The following HORMAD2 variants were observed in gnomAD, a reference collection of about 807,000 sequenced individuals.
The protein encoded by HORMAD2 is HORMA domain containing 2, also known as HORMA domain-containing protein 2.
In HORMAD2, 45 loss-of-function variants were observed where a neutral mutation model predicts 38.8. The ratio of observed to expected loss-of-function variants is 1.16; its 90% confidence interval spans 0.91 to 1.49. The LOEUF is 1.49. Ranked by LOEUF, HORMAD2 falls within the 40% of genes most tolerant of loss-of-function variation. The probability of loss-of-function intolerance (pLI) is 0.00; values close to 1 mark genes in which losing one functional copy is unlikely to be tolerated. For synonymous variants in HORMAD2, 126 were observed against 122.8 expected (o/e 1.03, Z -0.17); for missense variants, 338 against 367.0 (o/e 0.92, Z 0.65).
intron 5 of HORMAD2, among the ~76,000 whole-genome samples, chr22:30,110,036 A>C (rs553002296): frequency 1.3e-5 from 2 of 152,316 alleles, no homozygotes; most frequent in African/African-American, 4.8e-5. Flanking sequence ...CACAGATTCA[A>C]CCAACTGGAA....
At chr22:30,124,654 G>A (rs1483019036) in intron 10 of HORMAD2, among the ~76,000 whole-genome samples, 4 of 152,108 alleles carry the variant, frequency 2.6e-5, no homozygotes, top group Non-Finnish European at 4.4e-5. Context: ...CTTCAAAGTT[G>A]AGATTTAGCC....
At position 30,125,216 on chromosome 22, in the gene HORMAD2, C is replaced by CTTTTTTTTTTTTTTTTTT; in HGVS notation, c.819+3011_819+3028dup. Among the ~76,000 whole-genome samples, 203 of 43,474 alleles carry CTTTTTTTTTTTTTTTTTT rather than the reference C, an allele frequency of 4.7e-3. 32 individuals carry two copies. Among genetic ancestry groups the CTTTTTTTTTTTTTTTTTT allele is most frequent in the African/African-American group, 6.6e-3 (64 of 9,732 alleles). 28.5% of individuals were successfully genotyped at this position (43,474 alleles called of 152,430 possible). ...CATCTTTTCACTTTCTTTTTCTTTT[C>CTTTTTTTTTTTTTTTTTT]TTTTTTTTTTTTTTTTTTTTTTTTT... On this transcript the variant is annotated intron_variant, in intron 10 of 10. Coordinates refer to ENST00000336726, the MANE Select transcript of HORMAD2 (RefSeq NM_152510.4).
intron 10 of HORMAD2, among the ~76,000 whole-genome samples, chr22:30,130,586 C>CTTTTTTTTTTT (rs66636269): frequency 6.8e-4 from 60 of 87,870 alleles, no homozygotes; most frequent in Non-Finnish European, 1.2e-3. Context: ...CTTTTCTTTT[C>CTTTTTTTTTTT]TTTTTTTTTT....
chr22:30,135,748 C>A (rs766532648), intron 10 of HORMAD2, among the ~76,000 whole-genome samples: 8 of 152,114 alleles, frequency 5.3e-5, no homozygotes, highest in Non-Finnish European at 1.2e-4. Context: ...TAGAGCTAAA[C>A]CAAACTTTTA....
chr22:30,083,924 C>T (rs2068527390), intron 1 of HORMAD2, among the ~76,000 whole-genome samples: 1 of 152,068 alleles, frequency 6.6e-6, no homozygotes, highest in Non-Finnish European at 1.5e-5. Context: ...CTAAGGAGGC[C>T]CTGGTAGTAC....
intron 8 of HORMAD2, among the ~76,000 whole-genome samples, 191 bp downstream of exon 8, chr22:30,119,238 T>C (rs181275778): frequency 6.6e-6 from 1 of 152,136 alleles, no homozygotes; most frequent in Non-Finnish European, 1.5e-5. Context: ...CTGGTGGGAA[T>C]AGAGAAAATG....
At chr22:30,113,655 T>C (rs1173288517) in intron 7 of HORMAD2, among the ~76,000 whole-genome samples, 1 of 152,194 alleles carries the variant, frequency 6.6e-6, no homozygotes, top group African/African-American at 2.4e-5. Context: ...CTTTCTGTTC[T>C]CTTCTCACTT....
chr22:30,172,657 G>A (rs528923784), intron 10 of HORMAD2, among the ~76,000 whole-genome samples: 13 of 152,296 alleles, frequency 8.5e-5, no homozygotes, highest in East Asian at 1.9e-4. Flanking sequence ...GGAGGCCAAC[G>A]CATGCGGATC....
rs149085908 is a variant in HORMAD2, at chr22:30,166,875, T to C, written c.820-9188T>C. Among the ~76,000 whole-genome samples, 58 of 152,308 alleles carry C rather than the reference T, an allele frequency of 3.8e-4. No homozygotes were observed. The East Asian group carries it at 7.3e-3, about 19-fold the overall frequency. ...TTAAAAGAAAGAAAGTAATGGAAGA[T>C]TTCTGTTTTCTTAAATCTAGAGGAA... On this transcript the variant is annotated intron_variant, in intron 10 of 10. Coordinates refer to ENST00000336726, the MANE Select transcript of HORMAD2 (RefSeq NM_152510.4).
At chr22:30,196,266 G>C in the HORMAD2 span, among the ~76,000 whole-genome samples, 128 of 152,326 alleles carry the variant, frequency 8.4e-4, no homozygotes, top group African/African-American at 2.8e-3. Flanking sequence ...AGGCAATACA[G>C]CTTCAGTCAT....
intron 1 of HORMAD2, among the ~76,000 whole-genome samples, chr22:30,088,288 CAT>C (rs965472514): frequency 7.8e-4 from 118 of 150,456 alleles, no homozygotes; most frequent in African/African-American, 2.3e-3. Flanking sequence ...TATATACATA[CAT>C]ATATATACAC....
intron 5 of HORMAD2, among the ~76,000 whole-genome samples, chr22:30,110,245 A>G (rs1921524203): frequency 6.6e-6 from 1 of 152,176 alleles, no homozygotes; most frequent in Non-Finnish European, 1.5e-5. Context: ...TACAACTATT[A>G]TATATCAATT....
At chr22:30,102,626 C>T (rs1442559982) in intron 3 of HORMAD2, among the ~76,000 whole-genome samples, 1 of 152,120 alleles carries the variant, frequency 6.6e-6, no homozygotes, top group African/African-American at 2.4e-5. Flanking sequence ...TAAACCAAAA[C>T]TCTATTTATT....
chr22:30,103,727 A>G (rs970287509), intron 4 of HORMAD2, among the ~76,000 whole-genome samples: 1 of 124,708 alleles, frequency 8.0e-6, no homozygotes, highest in African/African-American at 3.3e-5. Context: ...CAGTGGCGCA[A>G]TCTCGGCTCA....
Position 30,144,913 on chromosome 22 carries a change from G to T in HORMAD2, c.819+22699G>T, listed in dbSNP as rs142612114. ...ACTAACGTTCTTTTCCTCCCATGAA[G>T]ATAGCCCTCAGATTGGGAGCTTGGG... On this transcript the variant is annotated intron_variant, in intron 10 of 10. Coordinates refer to ENST00000336726, the MANE Select transcript of HORMAD2 (RefSeq NM_152510.4). Among the ~76,000 whole-genome samples the T allele has an allele frequency of 4.6e-3, 702 of 152,188 alleles. 6 individuals are homozygous for T. The highest frequency in any genetic ancestry group is 0.016 in the African/African-American group (657 of 41,532).
At chr22:30,207,199 C>A in the HORMAD2 span, 1 of 424,382 alleles carries the variant, frequency 2.4e-6, no homozygotes, top group Non-Finnish European at 5.1e-6. Context: ...GTGAATGACA[C>A]AATGTTTGTC....
chr22:30,161,980 G>A (rs1925469002), intron 10 of HORMAD2, among the ~76,000 whole-genome samples: 1 of 152,076 alleles, frequency 6.6e-6, no homozygotes, highest in Non-Finnish European at 1.5e-5. Context: ...TTCAAAAACT[G>A]CCAATAAGGA....
chr22:30,172,883 G>C (rs1263835815), intron 10 of HORMAD2, among the ~76,000 whole-genome samples: 1 of 148,568 alleles, frequency 6.7e-6, no homozygotes, highest in Non-Finnish European at 1.5e-5. Context: ...ATGAGACTCC[G>C]TTTCAAAAAA....
chr22:30,077,844 ATGT>A (rs2068402864), upstream of HORMAD2, among the ~76,000 whole-genome samples: 1 of 152,204 alleles, frequency 6.6e-6, no homozygotes, highest in African/African-American at 2.4e-5. Context: ...TAATTATCTA[ATGT>A]TGTTCCTTAA....
Sources: allele counts gnomAD v4.1 joint callset (sites outside exome capture counted in the v4.1 genomes callset), GRCh38; gene constraint gnomAD v4.1.1; transcripts MANE v1.5; gene names NCBI Gene and HGNC (gene_info 2026-07-23, HGNC 2026-07-21).